Variants in SH3RF3 observed in about 807,000 individuals in gnomAD.
SH3RF3 encodes the protein E3 ubiquitin-protein ligase SH3RF3.
A neutral mutation model predicts 66.3 loss-of-function variants in SH3RF3; 29 were observed. That is an observed-to-expected ratio of 0.44 (90% CI 0.33 to 0.60). The LOEUF is 0.60. Ranked by LOEUF, SH3RF3 falls within the 20% of genes least tolerant of loss-of-function variation. SH3RF3 has a pLI of 0.04. For synonymous variants in SH3RF3, 583 were observed against 532.0 expected, an observed-to-expected ratio of 1.10 and a Z score of -1.32; for missense variants, 1,194 against 1,190.9, an observed-to-expected ratio of 1.00 and a Z score of -0.04.
chr2:109,176,020 G>T (rs1677904970), intron 1 of SH3RF3, among the ~76,000 whole-genome samples: 1 of 152,194 alleles, frequency 6.6e-6, no homozygotes, highest in Non-Finnish European at 1.5e-5. Context: ...TATTCTGCAT[G>T]TTATATCCTT....
At chr2:109,292,231 A>G (rs1681200916) in intron 1 of SH3RF3, among the ~76,000 whole-genome samples, 1 of 152,252 alleles carries the variant, frequency 6.6e-6, no homozygotes, top group South Asian at 2.1e-4. Context: ...GAAAATTTGT[A>G]ATGTATAAAT....
chr2:109,498,590 C>T (rs1679310619), intron 9 of SH3RF3, among the ~76,000 whole-genome samples: 1 of 152,198 alleles, frequency 6.6e-6, no homozygotes, highest in East Asian at 1.9e-4. Context: ...TTTCAGACAC[C>T]AATGTGCAAG....
chr2:109,317,890 T>C (rs553459389), intron 1 of SH3RF3, among the ~76,000 whole-genome samples: 1 of 142,388 alleles, frequency 7.0e-6, no homozygotes, highest in East Asian at 3.1e-4. Flanking sequence ...AGAGGAAAGA[T>C]GTATGTGGCC....
In SH3RF3 at chr2:109,437,041, C is replaced by G; in HGVS notation, c.1723C>G (p.Pro575Ala). 1 of 1,613,802 alleles carries G rather than the reference C, an allele frequency of 6.2e-7. No homozygotes were observed. Among genetic ancestry groups the G allele is most frequent in the Admixed American group, 1.7e-5 (1 of 60,020 alleles). Residue 575 changes from proline (P) to alanine (A), a missense_variant, in exon 7 of 10, where the codon CCC becomes GCC. Physicochemically the swap from Pro to Ala is conservative, Grantham distance 27. Transcript: ENST00000309415. ...ATRPALPITT[P>A]QAHAQHPTAS... ...CAGGCCCGCCCTGCCCATCACCACT[C>G]CCCAGGCCCACGCCCAGCACCCCAC...
chr2:109,436,610 G>A (rs1573250599), intron 6 of SH3RF3, among the ~76,000 whole-genome samples: 1 of 152,322 alleles, frequency 6.6e-6, no homozygotes, highest in Middle Eastern at 3.4e-3. Context: ...ACAAATTAAG[G>A]CAGTAGCTGT....
intron 3 of SH3RF3, 26 bp from the exon 4 acceptor site, chr2:109,398,564 C>T: frequency 6.6e-7 from 1 of 1,517,918 alleles, no homozygotes; most frequent in Non-Finnish European, 8.9e-7. Flanking sequence ...TTTAATGCAG[C>T]CTCCCCTCTC....
At chr2:109,420,194 T>C (rs1011238880) in intron 5 of SH3RF3, among the ~76,000 whole-genome samples, 1 of 152,234 alleles carries the variant, frequency 6.6e-6, no homozygotes, top group Non-Finnish European at 1.5e-5. Flanking sequence ...ATTACAGCTC[T>C]TAACAGATAA....
At chr2:109,226,753 A>G (rs1413562082) in intron 1 of SH3RF3, among the ~76,000 whole-genome samples, 4 of 152,208 alleles carry the variant, frequency 2.6e-5, no homozygotes, top group Non-Finnish European at 5.9e-5. Flanking sequence ...TTTAGGGGAC[A>G]TTCAGATATA....
intron 8 of SH3RF3, among the ~76,000 whole-genome samples, chr2:109,480,523 G>A (rs1052529963): frequency 6.6e-6 from 1 of 152,160 alleles, no homozygotes; most frequent in Non-Finnish European, 1.5e-5. Context: ...ACATCAGACT[G>A]GCTGAATTAG....
At chr2:109,279,471 G>A (rs1337096935) in intron 1 of SH3RF3, among the ~76,000 whole-genome samples, 1 of 152,166 alleles carries the variant, frequency 6.6e-6, no homozygotes, top group East Asian at 1.9e-4. Flanking sequence ...ATGCTGCTAT[G>A]CTGCTAATGT....
At chr2:109,307,204 G>A (rs1364885902) in intron 1 of SH3RF3, among the ~76,000 whole-genome samples, 1 of 152,198 alleles carries the variant, frequency 6.6e-6, no homozygotes, top group Non-Finnish European at 1.5e-5. Context: ...GTGCACATTT[G>A]AAAATTGAAT....
intron 8 of SH3RF3, among the ~76,000 whole-genome samples, chr2:109,473,313 G>A (rs1287494123): frequency 6.6e-6 from 1 of 152,206 alleles, no homozygotes; most frequent in Non-Finnish European, 1.5e-5. Flanking sequence ...TTGGCCATGG[G>A]CAGCTGTGCC....
intron 1 of SH3RF3, among the ~76,000 whole-genome samples, chr2:109,147,480 C>G (rs1363310470): frequency 6.6e-6 from 1 of 152,158 alleles, no homozygotes; most frequent in East Asian, 1.9e-4. Context: ...CCATCTACCA[C>G]TTGGTCAACA....
chr2:109,315,686 C>G (rs547932741), intron 1 of SH3RF3, among the ~76,000 whole-genome samples: 1 of 152,350 alleles, frequency 6.6e-6, no homozygotes, highest in Admixed American at 6.5e-5. Flanking sequence ...CGAGCTCTGT[C>G]TCAGTCCAGG....
At chr2:109,351,581 C>T (rs1682838532) in intron 2 of SH3RF3, among the ~76,000 whole-genome samples, 2 of 152,280 alleles carry the variant, frequency 1.3e-5, no homozygotes, top group Admixed American at 6.5e-5. Context: ...CAGGCAGCTG[C>T]ATTTGCTATG....
intron 1 of SH3RF3, among the ~76,000 whole-genome samples, chr2:109,190,074 T>C (rs1486605318): frequency 1.3e-5 from 2 of 152,278 alleles, no homozygotes; most frequent in Non-Finnish European, 2.9e-5. Context: ...TTGTCGTTGC[T>C]TTAAACTTTT....
chr2:109,431,898 A>G (rs903237607), intron 5 of SH3RF3, among the ~76,000 whole-genome samples: 8 of 152,104 alleles, frequency 5.3e-5, no homozygotes, highest in African/African-American at 1.9e-4. Context: ...GTAATTAACC[A>G]TAGCACAATT....
intron 8 of SH3RF3, among the ~76,000 whole-genome samples, chr2:109,477,319 C>T (rs1001459130): frequency 2.6e-5 from 4 of 152,184 alleles, no homozygotes; most frequent in African/African-American, 4.8e-5. Context: ...AAGACCATGC[C>T]GCTCCCTGCC....
chr2:109,432,957 G>A (rs1384106987), intron 6 of SH3RF3, among the ~76,000 whole-genome samples: 2 of 152,272 alleles, frequency 1.3e-5, no homozygotes, highest in East Asian at 3.9e-4. Context: ...GAGGTCTCAA[G>A]TGTGAATGTG....
Sources: allele counts gnomAD v4.1 joint callset (sites outside exome capture counted in the v4.1 genomes callset), GRCh38; gene constraint gnomAD v4.1.1; transcripts MANE v1.5; gene names NCBI Gene and HGNC (gene_info 2026-07-23, HGNC 2026-07-21).